GPM6A: variants seen among roughly 807,000 people sequenced by gnomAD.
The protein encoded by GPM6A is neuronal membrane glycoprotein M6-a.
Under a neutral mutation model 32.1 loss-of-function variants are expected in GPM6A, and 7 were observed. The ratio of observed to expected loss-of-function variants is 0.22; its 90% CI spans 0.12 to 0.41. The LOEUF (loss-of-function observed/expected upper bound fraction) is 0.41, where lower values mean the gene tolerates loss of function less well. Ranked by LOEUF, GPM6A falls within the 10% of genes least tolerant of loss-of-function variation. The pLI is 1.00. For synonymous variants in GPM6A, 130 were observed against 123.4 expected (o/e 1.05, Z -0.35); for missense variants, 235 against 347.2 (o/e 0.68, Z 2.57).
intron 1 of GPM6A, among the ~76,000 whole-genome samples, chr4:175,780,689 C>T (rs1389518944): frequency 1.3e-5 from 2 of 152,168 alleles, no homozygotes; most frequent in African/African-American, 4.8e-5. Flanking sequence ...TGAATTTCCA[C>T]TACACAAATT....
intron 1 of GPM6A, among the ~76,000 whole-genome samples, chr4:175,922,769 G>T (rs1000798748): frequency 6.6e-6 from 1 of 152,216 alleles, no homozygotes; most frequent in Admixed American, 6.5e-5. Context: ...ATAAAACTCT[G>T]ACAAACTCTA....
chr4:175,811,955 G>T, intron 1 of GPM6A: 1 of 409,480 alleles, frequency 2.4e-6, no homozygotes, highest in Non-Finnish European at 4.3e-6. Context: ...ATACCGCAAT[G>T]CTCTTCTCAC....
chr4:175,657,385 T>C (rs1345616616), intron 3 of GPM6A, among the ~76,000 whole-genome samples: 1 of 152,192 alleles, frequency 6.6e-6, no homozygotes, highest in Non-Finnish European at 1.5e-5. Flanking sequence ...CTCAGGCCTC[T>C]CTCATGCTAA....
chr4:175,704,743 A>G (rs1469456392), intron 1 of GPM6A, among the ~76,000 whole-genome samples: 1 of 152,314 alleles, frequency 6.6e-6, no homozygotes, highest in South Asian at 2.1e-4. Context: ...TTTCTACTGC[A>G]GACAATCAGA....
intron 6 of GPM6A, among the ~76,000 whole-genome samples, chr4:175,639,019 C>T (rs961414331): frequency 3.9e-5 from 6 of 152,048 alleles, no homozygotes; most frequent in South Asian, 4.1e-4. Context: ...AAGCGTCTCA[C>T]GTTCTGAAAC....
At chr4:175,842,192 GT>G (rs1165845797) in intron 1 of GPM6A, among the ~76,000 whole-genome samples, 2 of 151,880 alleles carry the variant, frequency 1.3e-5, no homozygotes, top group Non-Finnish European at 2.9e-5. Flanking sequence ...TTCCTATTAT[GT>G]TTTTAAGGCT....
chr4:175,695,633 G>A (rs535077182), intron 2 of GPM6A, among the ~76,000 whole-genome samples: 1 of 152,228 alleles, frequency 6.6e-6, no homozygotes, highest in South Asian at 2.1e-4. Flanking sequence ...TAACTGACTT[G>A]TTTTTTATTT....
intron 1 of GPM6A, among the ~76,000 whole-genome samples, chr4:175,954,215 G>T (rs1739909907): frequency 1.3e-5 from 2 of 152,178 alleles, no homozygotes. Context: ...TTGCTCAGTT[G>T]TGCTGTTCAC....
intron 1 of GPM6A, among the ~76,000 whole-genome samples, chr4:175,944,821 G>A (rs1339039803): frequency 3.9e-5 from 6 of 152,012 alleles, no homozygotes; most frequent in Admixed American, 3.9e-4. Flanking sequence ...GGAAACCAGC[G>A]CAACACTATT....
intron 1 of GPM6A, among the ~76,000 whole-genome samples, chr4:175,709,021 T>C (rs1048508460): frequency 1.3e-5 from 2 of 152,228 alleles, no homozygotes; most frequent in Non-Finnish European, 2.9e-5. Context: ...TATAGAGTGA[T>C]TCAAGTATTC....
intron 1 of GPM6A, among the ~76,000 whole-genome samples, chr4:175,889,053 T>C (rs1378650279): frequency 1.3e-5 from 2 of 152,148 alleles, no homozygotes; most frequent in Admixed American, 6.5e-5. Context: ...GGGAAAAAAG[T>C]GTTGGACAAC....
intron 1 of GPM6A, among the ~76,000 whole-genome samples, chr4:175,899,310 T>C (rs1737883774): frequency 6.6e-6 from 1 of 152,126 alleles, no homozygotes; most frequent in African/African-American, 2.4e-5. Context: ...AAAACAATTT[T>C]TTAAATGAAA....
intron 1 of GPM6A, among the ~76,000 whole-genome samples, chr4:175,940,090 C>G (rs1739358165): frequency 6.6e-6 from 1 of 151,932 alleles, no homozygotes; most frequent in Non-Finnish European, 1.5e-5. Flanking sequence ...ACTGGTTTTA[C>G]CAATGAAATT....
intron 1 of GPM6A, among the ~76,000 whole-genome samples, chr4:175,792,638 T>G (rs1218264457): frequency 6.6e-6 from 1 of 152,176 alleles, no homozygotes; most frequent in Non-Finnish European, 1.5e-5. Context: ...AGATGTTAAA[T>G]TCCATTTTGC....
At chr4:175,663,594 A>T (rs995896241) in intron 3 of GPM6A, among the ~76,000 whole-genome samples, 3 of 152,216 alleles carry the variant, frequency 2.0e-5, no homozygotes, top group Non-Finnish European at 4.4e-5. Context: ...GCCTTTCCAC[A>T]ATGTATACAT....
At chr4:175,842,919 A>T (rs1735984333) in intron 1 of GPM6A, among the ~76,000 whole-genome samples, 1 of 151,814 alleles carries the variant, frequency 6.6e-6, no homozygotes, top group African/African-American at 2.4e-5. Flanking sequence ...TTACCTAATT[A>T]TAAAAATGAT....
intron 1 of GPM6A, among the ~76,000 whole-genome samples, chr4:175,764,170 A>T (rs572458671): frequency 3.9e-5 from 6 of 152,320 alleles, no homozygotes; most frequent in African/African-American, 1.4e-4. Flanking sequence ...GTCCTGCCTC[A>T]GTTCCTGCCT....
At chr4:175,800,057 A>C (rs1373791864) in intron 1 of GPM6A, among the ~76,000 whole-genome samples, 2 of 152,178 alleles carry the variant, frequency 1.3e-5, no homozygotes, top group Admixed American at 1.3e-4. Context: ...TCAAAATTGT[A>C]ATTTCAAATA....
At chr4:175,711,665 T>C (rs1319612885) in intron 1 of GPM6A, among the ~76,000 whole-genome samples, 2 of 143,208 alleles carry the variant, frequency 1.4e-5, no homozygotes, top group African/African-American at 5.2e-5. Context: ...TCCCCAGCTG[T>C]CTTGTGCATT....
Sources: gnomAD v4.1 joint callset for allele counts (sites outside exome capture counted in the v4.1 genomes callset) on GRCh38, gnomAD v4.1.1 for gene constraint, MANE v1.5 for transcripts, NCBI Gene and HGNC (gene_info 2026-07-23, HGNC 2026-07-21) for gene names.